PTPRZ1: variants seen among roughly 807,000 people sequenced by gnomAD.
PTPRZ1 encodes receptor-type tyrosine-protein phosphatase zeta.
Under a neutral mutation model 214.1 loss-of-function variants are expected in PTPRZ1, and 82 were observed. The ratio of observed to expected loss-of-function variants is 0.38; its 90% CI spans 0.32 to 0.46. The LOEUF (loss-of-function observed/expected upper bound fraction) is 0.46, where lower values mean the gene tolerates loss of function less well. Ranked by LOEUF, PTPRZ1 falls within the 20% of genes least tolerant of loss-of-function variation. The pLI is 1.00. For synonymous variants in PTPRZ1, 945 were observed against 987.9 expected, an observed-to-expected ratio of 0.96 and a Z score of 0.81; for missense variants, 2,603 against 2,748.7, an observed-to-expected ratio of 0.95 and a Z score of 1.19.
intron 1 of PTPRZ1, among the ~76,000 whole-genome samples, chr7:121,895,632 A>C (rs940091796): frequency 2.0e-5 from 3 of 152,190 alleles, no homozygotes; most frequent in Non-Finnish European, 2.9e-5. Context: ...AGTGTTACAC[A>C]CTAGAAATAA....
chr7:121,893,938 T>C lies in PTPRZ1; in HGVS notation c.58+20381T>C, dbSNP rs538776058. The stretch of plus-strand genomic sequence containing the variant: ...CTTCAGGGATATGACTGAGGAAGTC[T>C]AGACTTATAATAGGTTAAATGAGAA... On this transcript the variant is annotated intron_variant, in intron 1 of 29. Coordinates refer to ENST00000393386, the MANE Select transcript of PTPRZ1 (RefSeq NM_002851.3). Among the ~76,000 whole-genome samples, 301 of 152,288 alleles carry C rather than the reference T, an allele frequency of 2.0e-3. 1 individual carries two copies. The highest frequency in any genetic ancestry group is 6.9e-3 in the African/African-American group (287 of 41,570).
intron 2 of PTPRZ1, among the ~76,000 whole-genome samples, chr7:121,929,228 GTTT>G (rs1361204613): frequency 1.3e-5 from 2 of 152,048 alleles, no homozygotes; most frequent in Non-Finnish European, 2.9e-5. Context: ...CTTTTAGACA[GTTT>G]TTATTATCCA....
In PTPRZ1 at chr7:122,012,539, A is replaced by G; in HGVS notation, c.3493A>G (p.Thr1165Ala). ...PASSEMLSPS[T>A]QLLFYETSAS... ...TTCTAGTGAAATGTTATCTCCTTCA[A>G]CTCAGCTCTTATTTTATGAGACCTC... The change falls in exon 12 of 30, where the codon ACT (threonine) becomes GCT (alanine). Residue 1165 changes from threonine (T) to alanine (A), a missense_variant. Coordinates refer to ENST00000393386, the MANE Select transcript of PTPRZ1 (RefSeq NM_002851.3). The G allele has an allele frequency of 6.2e-7, 1 of 1,613,992 alleles. No individual in the cohort carries two copies. Among genetic ancestry groups the G allele is most frequent in the Non-Finnish European group, 8.5e-7 (1 of 1,179,964 alleles).
intron 1 of PTPRZ1, among the ~76,000 whole-genome samples, chr7:121,883,368 A>C (rs1794299893): frequency 6.6e-6 from 1 of 152,182 alleles, no homozygotes; most frequent in Admixed American, 6.5e-5. Flanking sequence ...TACTTACTTC[A>C]TTCACCTTTC....
At chr7:121,943,624 C>T (rs2116430094) in intron 2 of PTPRZ1, among the ~76,000 whole-genome samples, 1 of 152,298 alleles carries the variant, frequency 6.6e-6, no homozygotes, top group East Asian at 1.9e-4. Flanking sequence ...AGGCGTGAGC[C>T]ACTGCGCCCG....
At chr7:121,932,583 A>C (rs1440945858) in intron 2 of PTPRZ1, among the ~76,000 whole-genome samples, 1 of 152,196 alleles carries the variant, frequency 6.6e-6, no homozygotes, top group Non-Finnish European at 1.5e-5. Flanking sequence ...GCAATCACGG[A>C]AGAAATGGCT....
intron 1 of PTPRZ1, among the ~76,000 whole-genome samples, chr7:121,906,324 G>A (rs1795114257): frequency 1.3e-5 from 2 of 151,968 alleles, no homozygotes; most frequent in Admixed American, 6.6e-5. Flanking sequence ...GAGGCATGTG[G>A]GTGTGTATTG....
At chr7:121,924,149 A>AT (rs1795683574) in intron 1 of PTPRZ1, among the ~76,000 whole-genome samples, 1 of 152,128 alleles carries the variant, frequency 6.6e-6, no homozygotes, top group South Asian at 2.1e-4. Context: ...CTTGTCAAAG[A>AT]TTTTAAATGG....
chr7:122,002,480 T>A (rs1798360686), intron 10 of PTPRZ1, among the ~76,000 whole-genome samples: 1 of 152,186 alleles, frequency 6.6e-6, no homozygotes, highest in South Asian at 2.1e-4. Flanking sequence ...TTAGGGGATG[T>A]GATTGGATTA....
chr7:121,900,129 GTGCAGAGGTCA>G (rs1196668065), intron 1 of PTPRZ1, among the ~76,000 whole-genome samples: 2 of 152,144 alleles, frequency 1.3e-5, no homozygotes, highest in Non-Finnish European at 2.9e-5. Flanking sequence ...GGATTTCAGA[GTGCAGAGGTCA>G]AGTTTGGGAG....
intron 22 of PTPRZ1, among the ~76,000 whole-genome samples, chr7:122,043,023 CTCTGTG>C (rs1251162708): frequency 6.6e-6 from 1 of 152,178 alleles, no homozygotes; most frequent in Non-Finnish European, 1.5e-5. Flanking sequence ...GGCTGTTTCC[CTCTGTG>C]TCTGTGTCTG....
rs139963769 is a variant in PTPRZ1 at position 122,012,761 on chromosome 7, A to G, written c.3715A>G (p.Thr1239Ala). 6.2e-6 allele frequency: 10 copies of G among 1,610,808 alleles called. No individual in the cohort carries two copies. Among genetic ancestry groups the G allele is most frequent in the African/African-American group, 2.7e-5 (2 of 74,852 alleles). The change falls in exon 12 of 30, where the codon ACA (threonine) becomes GCA (alanine). Residue 1239 changes from threonine to alanine, a missense_variant. Physicochemically the swap from Thr to Ala is moderately conservative, Grantham distance 58. Coordinates refer to ENST00000393386, the MANE Select transcript of PTPRZ1 (RefSeq NM_002851.3). ...SASSENMLHS[T>A]SVPVFDVSPT... ...TTCAAGTGAAAACATGCTGCACTCT[A>G]CATCTGTACCAGTTTTTGATGTGTC... is the stretch of plus-strand genomic sequence containing the variant.
chr7:121,952,228 G>A (rs1796570311), intron 2 of PTPRZ1, among the ~76,000 whole-genome samples: 1 of 151,932 alleles, frequency 6.6e-6, no homozygotes, highest in Non-Finnish European at 1.5e-5. Flanking sequence ...AAAGTGCTGG[G>A]ATTACAGGCG....
chr7:121,890,947 G>A (rs1215361919), intron 1 of PTPRZ1, among the ~76,000 whole-genome samples: 1 of 151,816 alleles, frequency 6.6e-6, no homozygotes, highest in East Asian at 1.9e-4. Context: ...CAAAGTTTTG[G>A]GATTAAAAAC....
intron 26 of PTPRZ1, among the ~76,000 whole-genome samples, chr7:122,054,683 C>T (rs990517590): frequency 2.0e-5 from 3 of 152,040 alleles, no homozygotes; most frequent in African/African-American, 7.2e-5. Flanking sequence ...TTGTCAATTA[C>T]AGAAGCAATA....
intron 2 of PTPRZ1, among the ~76,000 whole-genome samples, chr7:121,954,988 A>G (rs927757667): frequency 6.6e-6 from 1 of 152,244 alleles, no homozygotes; most frequent in African/African-American, 2.4e-5. Context: ...TGACTCAAAT[A>G]GGAATCAAGC....
At chr7:121,978,621 G>T (rs1797513521) in intron 6 of PTPRZ1, among the ~76,000 whole-genome samples, 1 of 152,076 alleles carries the variant, frequency 6.6e-6, no homozygotes, top group Non-Finnish European at 1.5e-5. Flanking sequence ...TTCCCACTTG[G>T]TCCCTCCTCA....
chr7:121,939,326 C>T (rs960373260), intron 2 of PTPRZ1, among the ~76,000 whole-genome samples: 2 of 152,148 alleles, frequency 1.3e-5, no homozygotes, highest in Non-Finnish European at 2.9e-5. Flanking sequence ...AAAGGCAGAG[C>T]CACCTAGAAC....
chr7:121,966,880 A>G (rs925912721), intron 2 of PTPRZ1: 2 of 152,204 alleles, frequency 1.3e-5, no homozygotes, highest in African/African-American at 2.4e-5. Flanking sequence ...CTAAACCTCA[A>G]TCATGTAAAA....
Sources: gnomAD v4.1 joint callset for allele counts (sites outside exome capture counted in the v4.1 genomes callset) on GRCh38, gnomAD v4.1.1 for gene constraint, MANE v1.5 for transcripts, NCBI Gene and HGNC (gene_info 2026-07-23, HGNC 2026-07-21) for gene names.